TWIST2: variants seen among roughly 807,000 people sequenced by gnomAD.
TWIST2 encodes the protein twist-related protein 2.
TWIST2 carries 1 observed loss-of-function variant against 11.6 expected under a neutral mutation model. The observed-to-expected ratio is 0.09, with a 90% CI of 0.03 to 0.41. TWIST2 has a LOEUF of 0.41. Ranked by LOEUF, TWIST2 falls within the 10% of genes least tolerant of loss-of-function variation. The pLI, the probability that TWIST2 is intolerant of heterozygous loss-of-function variation, is 0.98. For missense variants in TWIST2, 168 were observed against 226.4 expected (o/e 0.74, Z 1.66); for synonymous variants, 87 against 96.6 (o/e 0.90, Z 0.58).
intron 1 of TWIST2, among the ~76,000 whole-genome samples, chr2:238,868,332 C>A (rs1349652615): frequency 1.3e-5 from 2 of 152,224 alleles, no homozygotes. Flanking sequence ...CCCCGCCCCC[C>A]AGCCTGCTCT....
intron 1 of TWIST2, among the ~76,000 whole-genome samples, chr2:238,860,789 T>C (rs1175788856): frequency 6.6e-6 from 1 of 152,046 alleles, no homozygotes; most frequent in African/African-American, 2.4e-5. Flanking sequence ...AATACAAAAA[T>C]TAGCCGGACG....
Position 238,866,069 on chromosome 2 carries a change from G to T in TWIST2, c.*35+17336G>T, listed in dbSNP as rs934236464. ...AACCTGTTAATGGAATAGCATGGACGATGCACCCCACACTGCATCTGGTGT... is the reference window on the plus strand; with the variant it reads ...AACCTGTTAATGGAATAGCATGGACTATGCACCCCACACTGCATCTGGTGT... On this transcript the variant is annotated intron_variant, in intron 1 of 1. Coordinates refer to ENST00000612363, the MANE Select transcript of TWIST2 (RefSeq NM_001271893.4). This position sits in a 1 kb window ranked among gnomAD's most constrained non-coding sequence, Gnocchi z 4.9. Among the ~76,000 whole-genome samples, 18 of 152,156 alleles carry T rather than the reference G, an allele frequency of 1.2e-4. No homozygotes were observed. The highest frequency in any genetic ancestry group is 4.1e-4 in the African/African-American group (17 of 41,444).
intron 1 of TWIST2, among the ~76,000 whole-genome samples, chr2:238,901,199 A>T (rs1693265030): frequency 1.3e-5 from 2 of 151,220 alleles, no homozygotes; most frequent in Admixed American, 1.3e-4. Context: ...CTGGTCTCAA[A>T]CTCCTGACCT....
At chr2:238,885,860 C>G (rs972306733) in intron 1 of TWIST2, among the ~76,000 whole-genome samples, 7 of 152,108 alleles carry the variant, frequency 4.6e-5, no homozygotes, top group African/African-American at 1.4e-4. Context: ...CTCACCAGCT[C>G]CAGTCTGCAC....
At chr2:238,849,848 A>C (rs1692213749) in intron 1 of TWIST2, among the ~76,000 whole-genome samples, 1 of 152,214 alleles carries the variant, frequency 6.6e-6, no homozygotes, top group Non-Finnish European at 1.5e-5. Flanking sequence ...TCCGCCATCC[A>C]GGGCCATGGA....
rs930771937 is a variant in TWIST2, at chr2:238,880,891, A to G, written c.*36-28951A>G. ...TGTTATTGTTAGTGTTAGTGTTGGT[A>G]TTTATTATTATTAGTGTTAGTGTCA... is the stretch of plus-strand genomic sequence containing the variant. On this transcript the variant is annotated intron_variant, in intron 1 of 1. Transcript: ENST00000612363. Among the ~76,000 whole-genome samples the G allele has an allele frequency of 5.2e-4, 54 of 103,322 alleles. 1 individual carries two copies. In the South Asian group the frequency reaches 0.019, roughly 37 times the overall value. 67.8% of individuals were successfully genotyped at this position (103,322 alleles called of 152,430 possible).
At chr2:238,891,779 G>A (rs1283133667) in intron 1 of TWIST2, among the ~76,000 whole-genome samples, 1 of 152,174 alleles carries the variant, frequency 6.6e-6, no homozygotes, top group Non-Finnish European at 1.5e-5. Flanking sequence ...CAAAAACCCC[G>A]CTATTCTCCG....
At chr2:238,870,523 A>C (rs1483875752) in intron 1 of TWIST2, among the ~76,000 whole-genome samples, 13 of 90,312 alleles carry the variant, frequency 1.4e-4, no homozygotes, top group Non-Finnish European at 1.9e-4. Flanking sequence ...ACCACACACA[A>C]ACCACACACC....
chr2:238,868,550 G>T (rs974108267), intron 1 of TWIST2, among the ~76,000 whole-genome samples: 1 of 152,178 alleles, frequency 6.6e-6, no homozygotes, highest in Non-Finnish European at 1.5e-5. Context: ...CATTCTATGG[G>T]ACCACAGGAA....
chr2:238,875,930 C>T (rs1347670161), intron 1 of TWIST2, among the ~76,000 whole-genome samples: 1 of 152,232 alleles, frequency 6.6e-6, no homozygotes, highest in Non-Finnish European at 1.5e-5. Flanking sequence ...GAGCCTGTGG[C>T]TTGTGGGGCT....
intron 1 of TWIST2, among the ~76,000 whole-genome samples, chr2:238,859,100 T>C (rs1488525942): frequency 1.3e-5 from 2 of 151,556 alleles, no homozygotes; most frequent in African/African-American, 4.9e-5. Flanking sequence ...TAGTTCCAGC[T>C]ACTCGGGAGG....
intron 1 of TWIST2, among the ~76,000 whole-genome samples, chr2:238,907,135 G>A (rs1415977506): frequency 6.6e-6 from 1 of 152,238 alleles, no homozygotes; most frequent in Non-Finnish European, 1.5e-5. Context: ...TGGCCTGGGT[G>A]TGTGGCAGAA....
At position 238,866,969 on chromosome 2, in the gene TWIST2, C is replaced by T. The variant is rs1163776758; in HGVS notation, c.*35+18236C>T. On this transcript the variant is annotated intron_variant, in intron 1 of 1. Coordinates refer to ENST00000612363, the MANE Select transcript of TWIST2 (RefSeq NM_001271893.4). This position sits in a 1 kb window ranked among gnomAD's most constrained non-coding sequence, Gnocchi z 4.9. ...GTCATGGAGGGAGCCTCTGTTTCCC[C>T]ACCAAGTACACCAAGAAACTACACT... Among the ~76,000 whole-genome samples the T allele has an allele frequency of 1.3e-5, 2 of 152,152 alleles. No homozygotes were observed. The highest frequency in any genetic ancestry group is 1.5e-5 in the Non-Finnish European group (1 of 68,038).
intron 1 of TWIST2, among the ~76,000 whole-genome samples, chr2:238,905,145 G>C (rs1351591089): frequency 6.6e-6 from 1 of 152,088 alleles, no homozygotes; most frequent in African/African-American, 2.4e-5. Flanking sequence ...AGCCTTTTCC[G>C]TAATGCTTCT....
chr2:238,865,502 C>A (rs142678539), intron 1 of TWIST2, among the ~76,000 whole-genome samples: 1 of 152,132 alleles, frequency 6.6e-6, no homozygotes, highest in Admixed American at 6.5e-5. Flanking sequence ...GGATTCCCTG[C>A]GGGAGATCGG....
chr2:238,873,916 T>C (rs1692758193), intron 1 of TWIST2, among the ~76,000 whole-genome samples: 1 of 152,182 alleles, frequency 6.6e-6, no homozygotes, highest in Non-Finnish European at 1.5e-5. Flanking sequence ...GGAACGTCAT[T>C]GTGCATCAGC....
chr2:238,898,146 G>T (rs1693226591), intron 1 of TWIST2, among the ~76,000 whole-genome samples: 3 of 152,228 alleles, frequency 2.0e-5, no homozygotes, highest in Admixed American at 6.5e-5. Context: ...CGGGTGCTGG[G>T]GGTGGGGCCA....
At chr2:238,894,211 G>A (rs892598859) in intron 1 of TWIST2, among the ~76,000 whole-genome samples, 5 of 152,108 alleles carry the variant, frequency 3.3e-5, no homozygotes, top group Admixed American at 6.5e-5. Flanking sequence ...ACCCTCTTCC[G>A]GGGTTCCCAG....
rs1445442532 is a variant in TWIST2 at position 238,866,148 on chromosome 2, C to T, written c.*35+17415C>T. Among the ~76,000 whole-genome samples, 1 of 152,204 alleles carries T rather than the reference C, an allele frequency of 6.6e-6. No homozygotes were observed. Among genetic ancestry groups the T allele is most frequent in the African/African-American group, 2.4e-5 (1 of 41,452 alleles). On this transcript the variant is annotated intron_variant, in intron 1 of 1. Coordinates refer to ENST00000612363, the MANE Select transcript of TWIST2 (RefSeq NM_001271893.4). The surrounding 1 kb of genome is among the most constrained non-coding windows in gnomAD (Gnocchi z 4.9). ...TTACCCCCATTTCACCTGCTGCCAGCAGGATGGCCAGGCCTGCCAGGCACC... is the reference window on the plus strand; with the variant it reads ...TTACCCCCATTTCACCTGCTGCCAGTAGGATGGCCAGGCCTGCCAGGCACC...
Sources: gnomAD v4.1 joint callset for allele counts (sites outside exome capture counted in the v4.1 genomes callset) on GRCh38, gnomAD v4.1.1 for gene constraint, Gnocchi (gnomAD v3.1) non-coding constraint, MANE v1.5 for transcripts, NCBI Gene and HGNC (gene_info 2026-07-23, HGNC 2026-07-21) for gene names.